TGFBR3: variants seen among roughly 807,000 people sequenced by gnomAD.
TGFBR3 encodes the protein transforming growth factor beta receptor type 3.
Under a neutral mutation model 87.9 loss-of-function variants are expected in TGFBR3, and 46 were observed. The observed-to-expected ratio is 0.52, with a 90% CI of 0.41 to 0.67. TGFBR3 has a LOEUF of 0.67. Among genes scored for constraint, TGFBR3 ranks in the 30% least tolerant of loss-of-function variants. The probability of loss-of-function intolerance (pLI) is 0.00; values close to 1 mark genes in which losing one functional copy is unlikely to be tolerated. For synonymous variants in TGFBR3, 381 were observed against 391.6 expected (o/e 0.97, Z 0.32); for missense variants, 866 against 1,041.9 (o/e 0.83, Z 2.32).
chr1:91,787,812 C>T (rs528182215), intron 3 of TGFBR3, among the ~76,000 whole-genome samples: 33 of 151,962 alleles, frequency 2.2e-4, no homozygotes, highest in Admixed American at 1.8e-3. Context: ...ATTAGCCGGG[C>T]GTGGTGGTGT....
At chr1:91,890,164 G>A (rs1454214039), upstream of TGFBR3, among the ~76,000 whole-genome samples, 1 of 152,056 alleles carries the variant, frequency 6.6e-6, no homozygotes, top group East Asian at 1.9e-4. Context: ...TGAAATTGAG[G>A]TGCATTACTT....
chr1:91,844,928 G>C (rs1158174857), intron 2 of TGFBR3, among the ~76,000 whole-genome samples: 2 of 152,116 alleles, frequency 1.3e-5, no homozygotes, highest in East Asian at 3.9e-4. Context: ...TGACAGAAAG[G>C]GTTAAAAATA....
intron 1 of TGFBR3, among the ~76,000 whole-genome samples, chr1:91,867,801 G>T (rs1240994251): frequency 6.6e-6 from 1 of 152,166 alleles, no homozygotes; most frequent in Non-Finnish European, 1.5e-5. Flanking sequence ...CATTGGAAAA[G>T]TCATTTAGCC....
rs4658116 is a variant in TGFBR3, at chr1:91,804,655, G to A, written c.62-7184C>T. Among the ~76,000 whole-genome samples the A allele has an allele frequency of 1.5e-3, 228 of 152,200 alleles. 1 individual carries two copies. Among genetic ancestry groups the A allele is most frequent in the Admixed American group, 0.013 (201 of 15,284 alleles). On this transcript the variant is annotated intron_variant, in intron 2 of 16. Transcript: ENST00000212355. ...TTCTCACTTGACCACCATGGGGCCC[G>A]AGTATAGCACCTCCCAGCCACGAAG...
chr1:91,695,634 A>G lies in TGFBR3; in HGVS notation c.2437+38T>C, dbSNP rs747218140. The G allele has an allele frequency of 3.3e-6, 5 of 1,512,462 alleles. No homozygotes were observed. The Admixed American group carries it at 6.7e-5, about 20-fold the overall frequency. The allele number at this position is 1,512,462 out of a possible 1,614,324, so 93.7% of individuals were successfully genotyped here. On this transcript the variant is annotated intron_variant, in intron 16 of 16. Transcript: ENST00000212355. ...AGTGTCTATTGTGTGGCAGGAACAC[A>G]AGCTGTTCACCAACTCTTACTCAAC...
intron 2 of TGFBR3, among the ~76,000 whole-genome samples, chr1:91,806,266 T>C (rs1277001626): frequency 6.6e-6 from 1 of 152,164 alleles, no homozygotes; most frequent in Admixed American, 6.5e-5. Context: ...GACTCACCCT[T>C]TCATTATGTC....
At chr1:91,771,705 CA>C (rs758894556) in intron 3 of TGFBR3, among the ~76,000 whole-genome samples, 1,827 of 83,120 alleles carry the variant, frequency 0.022, 29 homozygotes, top group African/African-American at 0.071. Flanking sequence ...GACTCTGTCT[CA>C]AAAAAAAAAA....
At chr1:91,760,826 A>G (rs1673932238) in intron 3 of TGFBR3, among the ~76,000 whole-genome samples, 1 of 152,212 alleles carries the variant, frequency 6.6e-6, no homozygotes, top group South Asian at 2.1e-4. Flanking sequence ...ATAGCCACTG[A>G]GAAGAAGAGA....
intron 1 of TGFBR3, among the ~76,000 whole-genome samples, chr1:91,862,254 G>A (rs1185271874): frequency 2.6e-5 from 4 of 152,086 alleles, no homozygotes; most frequent in African/African-American, 9.7e-5. Context: ...GTTAAGTTGT[G>A]GTACCAAAGT....
At chr1:91,785,304 T>C (rs771123354) in intron 3 of TGFBR3, among the ~76,000 whole-genome samples, 1 of 152,222 alleles carries the variant, frequency 6.6e-6, no homozygotes, top group Non-Finnish European at 1.5e-5. Flanking sequence ...AGTGGCTACC[T>C]TGGGCTAGTG....
At chr1:91,883,064 C>T (rs2770183) in intron 1 of TGFBR3, among the ~76,000 whole-genome samples, 1 of 152,182 alleles carries the variant, frequency 6.6e-6, no homozygotes, top group Non-Finnish European at 1.5e-5. Context: ...TTCTACAAAA[C>T]ACAAATGAGG....
At chr1:91,901,238 A>G (rs1679713251) in intron 1 of TGFBR3, among the ~76,000 whole-genome samples, 1 of 152,194 alleles carries the variant, frequency 6.6e-6, no homozygotes, top group Non-Finnish European at 1.5e-5. Context: ...ATTGGGTCTT[A>G]TCCTCTGAAA....
At chr1:91,872,675 C>T (rs1678627830) in intron 1 of TGFBR3, among the ~76,000 whole-genome samples, 1 of 152,152 alleles carries the variant, frequency 6.6e-6, no homozygotes, top group Non-Finnish European at 1.5e-5. Flanking sequence ...CCTGTTTCCC[C>T]CTGCCCTCTT....
At chr1:91,697,590 T>G (rs977034741) in intron 15 of TGFBR3, among the ~76,000 whole-genome samples, 8 of 152,204 alleles carry the variant, frequency 5.3e-5, no homozygotes, top group African/African-American at 1.7e-4. Context: ...CTGCAGCAAT[T>G]GGTGTTGCTT....
At chr1:91,704,423 C>T (rs1267244343) in intron 14 of TGFBR3, among the ~76,000 whole-genome samples, 5 of 151,830 alleles carry the variant, frequency 3.3e-5, no homozygotes, top group Admixed American at 6.6e-5. Flanking sequence ...TTCTAGTTTT[C>T]AGTAAAAACT....
rs1447130271 is a variant in TGFBR3, at chr1:91,695,758, G to A, written c.2351C>T (p.Thr784Ile). 1 of 1,614,008 alleles carries A rather than the reference G, an allele frequency of 6.2e-7. No homozygotes were observed. Among genetic ancestry groups the A allele is most frequent in the Non-Finnish European group, 8.5e-7 (1 of 1,180,008 alleles). Residue 784 changes from threonine (T) to isoleucine (I), a missense_variant, in exon 16 of 17, where the codon ACC (threonine) becomes ATC (isoleucine). Physicochemically the swap from Thr to Ile is moderately conservative, Grantham distance 89. Coordinates refer to ENST00000212355, the MANE Select transcript of TGFBR3 (RefSeq NM_003243.5). ...ISPPIFHGLD[T>I]LTVMGIAFAA... ...AAACGCAATGCCCATCACGGTTAGG[G>A]TGTCCAGACCATGGAAAATTGCTAT...
chr1:91,747,455 A>G (rs762950546), intron 4 of TGFBR3, among the ~76,000 whole-genome samples: 1 of 152,214 alleles, frequency 6.6e-6, no homozygotes, highest in African/African-American at 2.4e-5. Context: ...CAATCTCAGG[A>G]GCTGTGCTGG....
intron 2 of TGFBR3, among the ~76,000 whole-genome samples, chr1:91,847,586 A>G (rs1677551686): frequency 1.3e-5 from 2 of 148,570 alleles, no homozygotes; most frequent in South Asian, 4.4e-4. Flanking sequence ...CTGGGCAACA[A>G]GAGCAAAACT....
chr1:91,870,754 T>C (rs1678553030), intron 1 of TGFBR3, among the ~76,000 whole-genome samples: 1 of 152,146 alleles, frequency 6.6e-6, no homozygotes, highest in South Asian at 2.1e-4. Flanking sequence ...CCCAGCACTT[T>C]GGGAGGCAGA....
Sources: gnomAD v4.1 joint callset for allele counts (sites outside exome capture counted in the v4.1 genomes callset) on GRCh38, gnomAD v4.1.1 for gene constraint, MANE v1.5 for transcripts, NCBI Gene and HGNC (gene_info 2026-07-23, HGNC 2026-07-21) for gene names.